The following KCNAB2 variants were observed in gnomAD, a reference collection of about 807,000 sequenced individuals.
The protein encoded by KCNAB2 is voltage-gated potassium channel subunit beta-2.
A neutral mutation model predicts 63.6 loss-of-function variants in KCNAB2; 29 were observed. The observed-to-expected ratio is 0.46, with a 90% confidence interval of 0.34 to 0.62. The LOEUF (loss-of-function observed/expected upper bound fraction) is 0.62, where lower values mean the gene tolerates loss of function less well. KCNAB2 is among the 20% of genes least tolerant of loss of function. KCNAB2 has a pLI of 0.01. For synonymous variants in KCNAB2, 222 were observed against 224.2 expected (o/e 0.99, Z 0.09); for missense variants, 359 against 563.9 (o/e 0.64, Z 3.68).
intron 5 of KCNAB2, among the ~76,000 whole-genome samples, chr1:6,084,592 G>T (rs1469498531): frequency 4.6e-5 from 7 of 152,146 alleles, no homozygotes; most frequent in Non-Finnish European, 2.9e-5. Context: ...ACAGTGGGCG[G>T]ATCACTCGAG....
Position 6,070,860 on chromosome 1 carries a change from C to T in KCNAB2, c.219-1895C>T, listed in dbSNP as rs545225079. On this transcript the variant is annotated intron_variant, in intron 2 of 15. Transcript: ENST00000378083. ...TGGCTTCAGAGCCTCAGCCCATAGCCGCCACCCGGTGCGCCCCTTTCCTGA... is the reference window on the plus strand; with the variant it reads ...TGGCTTCAGAGCCTCAGCCCATAGCTGCCACCCGGTGCGCCCCTTTCCTGA... Among the ~76,000 whole-genome samples, 26 of 152,288 alleles carry T rather than the reference C, an allele frequency of 1.7e-4. No individual in the cohort carries two copies. The South Asian group carries it at 3.9e-3, about 23-fold the overall frequency.
rs574626915 is a variant in KCNAB2 at position 6,076,836 on chromosome 1, C to CA, written c.300+3067dup. 3.7e-4 allele frequency among the ~76,000 whole-genome samples: 56 copies of CA among 152,352 alleles called. No homozygotes were observed. The East Asian group carries it at 8.5e-3, about 23-fold the overall frequency. On this transcript the variant is annotated intron_variant, in intron 4 of 15. Coordinates refer to ENST00000378083, the MANE Select transcript of KCNAB2 (RefSeq NM_001199862.2). ...ACTGGAAGGAACCAAAAAGTCACAA[C>CA]ATAAAGGCTGCGTAAACTGAACCAG...
rs1657345925 is a variant in KCNAB2, at chr1:6,003,004, C to T, written c.-53+10216C>T. Among the ~76,000 whole-genome samples the T allele has an allele frequency of 6.6e-6, 1 of 152,220 alleles. No homozygotes were observed. Among genetic ancestry groups the T allele is most frequent in the Non-Finnish European group, 1.5e-5 (1 of 68,022 alleles). The stretch of plus-strand genomic sequence containing the variant: ...TCTGTGTCCCGGGTGAGAACAGGTC[C>T]TAGACCTTGTCTCAGGTCACACAGC... On this transcript the variant is annotated intron_variant, in intron 1 of 16. Transcript: ENST00000341524. This position sits in a 1 kb window ranked among gnomAD's most constrained non-coding sequence, Gnocchi z 4.1.
At chr1:6,062,447 C>G (rs1345068363) in intron 2 of KCNAB2, among the ~76,000 whole-genome samples, 2 of 152,174 alleles carry the variant, frequency 1.3e-5, no homozygotes, top group African/African-American at 4.8e-5. Context: ...CCCTTAGTAT[C>G]ATATCATAAG....
chr1:6,022,879 C>CTTTTTTTTT (rs34874871), intron 1 of KCNAB2, among the ~76,000 whole-genome samples: 1 of 86,990 alleles, frequency 1.1e-5, no homozygotes. Flanking sequence ...TTTTGCTTAT[C>CTTTTTTTTT]TTTTTTTTTT....
intron 1 of KCNAB2, among the ~76,000 whole-genome samples, chr1:6,027,932 G>T (rs563605642): frequency 6.6e-6 from 1 of 152,242 alleles, no homozygotes; most frequent in Non-Finnish European, 1.5e-5. Flanking sequence ...AGTAAGGTTT[G>T]CACAGTTCTT....
chr1:6,040,559 G>T, exon 2 of KCNAB2: 1 of 1,613,636 alleles, frequency 6.2e-7, no homozygotes, highest in Non-Finnish European at 8.5e-7. Context: ...GGATAAGTGA[G>T]GCTGGCTCCA....
At chr1:6,015,024 T>G (rs1421360733) in intron 1 of KCNAB2, among the ~76,000 whole-genome samples, 2 of 125,336 alleles carry the variant, frequency 1.6e-5, no homozygotes, top group African/African-American at 3.2e-5. Context: ...TCCTTTTTTT[T>G]TTTTTTTTTT....
chr1:6,017,966 G>A (rs898306263), intron 1 of KCNAB2, among the ~76,000 whole-genome samples: 4 of 152,190 alleles, frequency 2.6e-5, no homozygotes, highest in Non-Finnish European at 5.9e-5. Context: ...AGGCGGGAAT[G>A]CAATAGTGTG....
chr1:6,070,773 G>A (rs965471134), intron 2 of KCNAB2, among the ~76,000 whole-genome samples: 5 of 151,938 alleles, frequency 3.3e-5, no homozygotes, highest in South Asian at 2.1e-4. Context: ...CTGAGGCATC[G>A]GGCCACTCCA....
chr1:6,037,976 G>A (rs1204030031), intron 1 of KCNAB2, among the ~76,000 whole-genome samples: 1 of 148,714 alleles, frequency 6.7e-6, no homozygotes, highest in African/African-American at 2.5e-5. Context: ...CCGGGTTCAC[G>A]CCATTCTCCT....
chr1:6,048,847 G>C (rs1661158180), intron 1 of KCNAB2, among the ~76,000 whole-genome samples: 1 of 152,236 alleles, frequency 6.6e-6, no homozygotes, highest in African/African-American at 2.4e-5. Flanking sequence ...ATGGAGGGAA[G>C]GGAGTGGCCG....
chr1:6,095,744 C>T (rs1188520331), intron 13 of KCNAB2, 120 bp downstream of exon 13: 1 of 910,922 alleles, frequency 1.1e-6, no homozygotes, highest in Non-Finnish European at 1.7e-6. Context: ...CTGTTCCCAC[C>T]TCGGTCTGCT....
chr1:6,073,749 C>T lies in KCNAB2; in HGVS notation c.279C>T (p.Phe93=), dbSNP rs141389773. The change falls in exon 4 of 16, where the codon TTC becomes TTT. Residue 93 remains phenylalanine, a synonymous_variant. Transcript: ENST00000378083. The surrounding 1 kb of genome is among the most constrained non-coding windows in gnomAD (Gnocchi z 5.7). ...SCLGLGTWVT[F]GGQITDEMAE... The stretch of plus-strand genomic sequence containing the variant: ...TCCTTCCAGGAACATGGGTGACCTT[C>T]GGAGGCCAGATCACCGATGAGGTAA... 163 of 1,614,166 alleles carry T rather than the reference C, an allele frequency of 1.0e-4. No homozygotes were observed. The African/African-American group carries it at 1.8e-3, about 18-fold the overall frequency.
intron 1 of KCNAB2, among the ~76,000 whole-genome samples, chr1:6,013,484 T>C (rs1205945971): frequency 6.6e-6 from 1 of 152,110 alleles, no homozygotes; most frequent in Non-Finnish European, 1.5e-5. Context: ...GGAGGAGCCC[T>C]GTCAGAGGAC....
upstream of KCNAB2, among the ~76,000 whole-genome samples, chr1:6,033,646 G>A (rs1372269697): frequency 1.3e-5 from 2 of 152,270 alleles, no homozygotes; most frequent in African/African-American, 4.8e-5. Flanking sequence ...CTTTTATGAG[G>A]TTTGAAAGTT....
rs183028064 is a variant in KCNAB2 at position 6,027,818 on chromosome 1, G to A, written c.-52-12699G>A. On this transcript the variant is annotated intron_variant, in intron 1 of 16. Coordinates refer to the KCNAB2 transcript ENST00000341524. ...TTGACTGAACCATGTGACATCTGTC[G>A]CCGTGCCACTGGTCCCCTCGGCTCA... is the stretch of plus-strand genomic sequence containing the variant. 2.3e-3 allele frequency among the ~76,000 whole-genome samples: 344 copies of A among 152,308 alleles called. 1 individual carries two copies. The highest frequency in any genetic ancestry group is 7.5e-3 in the African/African-American group (313 of 41,558).
Position 6,071,781 on chromosome 1 carries a change from TCCTCCTGCCACATAGGGCA to T in KCNAB2, c.219-964_219-946del, listed in dbSNP as rs1249437947. Among the ~76,000 whole-genome samples, 5 of 144,416 alleles carry T rather than the reference TCCTCCTGCCACATAGGGCA, an allele frequency of 3.5e-5. No individual in the cohort carries two copies. Among genetic ancestry groups the T allele is most frequent in the African/African-American group, 7.9e-5 (3 of 38,132 alleles). The allele number at this position is 144,416 out of a possible 152,430, so 94.7% of individuals were successfully genotyped here. A position where few individuals can be genotyped will look rare whatever the true frequency, so the allele number is the denominator to read the frequency against. ...CGTGGGCTCCTCCTGCCGCGTGGGC[TCCTCCTGCCACATAGGGCA>T]CCTCCTGCCGCGAGGGCACCTCCTG... On this transcript the variant is annotated intron_variant, in intron 2 of 15. Transcript: ENST00000378083. The surrounding 1 kb of genome is among the most constrained non-coding windows in gnomAD (Gnocchi z 8.5).
rs1476431080 is a variant in KCNAB2 at position 6,078,841 on chromosome 1, C to T, written c.301-3354C>T. 1.3e-5 allele frequency among the ~76,000 whole-genome samples: 2 copies of T among 152,154 alleles called. No individual in the cohort carries two copies. Among genetic ancestry groups the T allele is most frequent in the African/African-American group, 2.4e-5 (1 of 41,436 alleles). On this transcript the variant is annotated intron_variant, in intron 4 of 15. Transcript: ENST00000378083. The surrounding 1 kb of genome is among the most constrained non-coding windows in gnomAD (Gnocchi z 4.2). The stretch of plus-strand genomic sequence containing the variant: ...CAGGGCTGTCGTGGAGCCTGGGAGG[C>T]CGCATTTCTGATCTCATGCTGATGC...
Sources: allele counts gnomAD v4.1 joint callset (sites outside exome capture counted in the v4.1 genomes callset), GRCh38; gene constraint gnomAD v4.1.1; non-coding constraint Gnocchi (gnomAD v3.1); transcripts MANE v1.5; gene names NCBI Gene and HGNC (gene_info 2026-07-23, HGNC 2026-07-21).